PRRX2: variants seen among roughly 807,000 people sequenced by gnomAD.
PRRX2 encodes the protein paired mesoderm homeobox protein 2.
Under a neutral mutation model 18.0 loss-of-function variants are expected in PRRX2, and 11 were observed. That is an observed-to-expected ratio of 0.61 (90% CI 0.39 to 1.01). The LOEUF (loss-of-function observed/expected upper bound fraction) is 1.01, where lower values mean the gene tolerates loss of function less well. Ranked by LOEUF, PRRX2 falls within the 50% of genes least tolerant of loss-of-function variation. The pLI is 0.01. For synonymous variants in PRRX2, 177 were observed against 154.8 expected (o/e 1.14, Z -1.06); for missense variants, 387 against 351.0 (o/e 1.10, Z -0.82).
intron 1 of PRRX2, among the ~76,000 whole-genome samples, chr9:129,677,425 C>T (rs114579328): frequency 2.8e-4 from 43 of 152,354 alleles, no homozygotes; most frequent in Admixed American, 1.3e-3. Flanking sequence ...AGGAGCCGCG[C>T]GGGGTTCTCC....
rs781060799 is a variant in PRRX2, at chr9:129,719,347, A to T, written c.376A>T (p.Thr126Ser). The T allele has an allele frequency of 6.3e-7, 1 of 1,592,442 alleles. No individual in the cohort carries two copies. The highest frequency in any genetic ancestry group is 1.1e-5 in the South Asian group (1 of 88,266). The change falls in exon 2 of 4, where the codon ACG becomes TCG. Residue 126 changes from threonine (T) to serine (S), a missense_variant. Thr to Ser is a moderately conservative substitution (Grantham distance 58). Coordinates refer to ENST00000372469, the MANE Select transcript of PRRX2 (RefSeq NM_016307.4). ...LQALERVFER[T>S]HYPDAFVREE... Reference sequence around the variant, plus strand: ...GGCGCTGGAGCGCGTGTTCGAGCGCACGCACTACCCCGACGCCTTTGTGCG... The same window carrying T: ...GGCGCTGGAGCGCGTGTTCGAGCGCTCGCACTACCCCGACGCCTTTGTGCG...
At chr9:129,699,417 C>G (rs957226473) in intron 1 of PRRX2, among the ~76,000 whole-genome samples, 1 of 150,638 alleles carries the variant, frequency 6.6e-6, no homozygotes, top group African/African-American at 2.5e-5. Flanking sequence ...GGGCAAGACT[C>G]TGTCTCAAAA....
In PRRX2 at chr9:129,675,415, G is replaced by A. The variant is rs554281165; in HGVS notation, c.259+9289G>A. On this transcript the variant is annotated intron_variant, in intron 1 of 3. Coordinates refer to ENST00000372469, the MANE Select transcript of PRRX2 (RefSeq NM_016307.4). The surrounding 1 kb of genome is among the most constrained non-coding windows in gnomAD (Gnocchi z 4.4). ...CTCTAGCTTTGGTGGCCAGGGTTGG[G>A]GTGTAGGAGGCAGTCAAAAGCACCC... Among the ~76,000 whole-genome samples the A allele has an allele frequency of 1.3e-5, 2 of 152,216 alleles. No individual in the cohort carries two copies. Among genetic ancestry groups the A allele is most frequent in the South Asian group, 4.1e-4 (2 of 4,828 alleles).
At chr9:129,701,661 C>G (rs1832498662) in intron 1 of PRRX2, among the ~76,000 whole-genome samples, 1 of 152,150 alleles carries the variant, frequency 6.6e-6, no homozygotes, top group South Asian at 2.1e-4. Context: ...AATCCATGCC[C>G]CATCCAAAAC....
chr9:129,680,067 G>A (rs865828851), intron 1 of PRRX2, among the ~76,000 whole-genome samples: 4 of 152,148 alleles, frequency 2.6e-5, no homozygotes, highest in South Asian at 4.1e-4. Flanking sequence ...GCAGGTAGGG[G>A]ATTAGCTTTA....
intron 1 of PRRX2, among the ~76,000 whole-genome samples, chr9:129,700,965 C>G (rs1832487227): frequency 6.6e-6 from 1 of 152,150 alleles, no homozygotes; most frequent in South Asian, 2.1e-4. Context: ...AACTTGGTAG[C>G]AAAAAGGTTC....
At chr9:129,699,483 C>T (rs1832469508) in intron 1 of PRRX2, among the ~76,000 whole-genome samples, 1 of 145,224 alleles carries the variant, frequency 6.9e-6, no homozygotes, top group African/African-American at 2.7e-5. Flanking sequence ...ATACATATAT[C>T]CATCAATATA....
intron 2 of PRRX2, 111 bp from the exon 3 acceptor site, chr9:129,720,481 CAGAG>C: frequency 1.0e-6 from 1 of 994,298 alleles, no homozygotes; most frequent in Non-Finnish European, 1.4e-6. Context: ...AACTGAGGGT[CAGAG>C]AGGTGACGCT....
At position 129,709,024 on chromosome 9, in the gene PRRX2, C is replaced by T. The variant is rs1832588114; in HGVS notation, c.260-10207C>T. On this transcript the variant is annotated intron_variant, in intron 1 of 3. Transcript: ENST00000372469. The surrounding 1 kb of genome is among the most constrained non-coding windows in gnomAD (Gnocchi z 4.2). ...CAGGAGAGGGAGAAGGCCTAGGAGT[C>T]CATAACAAGGAGACCTGCGCTTGTA... Among the ~76,000 whole-genome samples, 1 of 152,190 alleles carries T rather than the reference C, an allele frequency of 6.6e-6. No individual in the cohort carries two copies. The highest frequency in any genetic ancestry group is 1.5e-5 in the Non-Finnish European group (1 of 68,040).
Position 129,711,561 on chromosome 9 carries a change from A to G in PRRX2, c.260-7670A>G, listed in dbSNP as rs181552733. Among the ~76,000 whole-genome samples the G allele has an allele frequency of 3.8e-3, 580 of 152,022 alleles. 7 individuals are homozygous for G. Among genetic ancestry groups the G allele is most frequent in the African/African-American group, 0.014 (561 of 41,480 alleles). On this transcript the variant is annotated intron_variant, in intron 1 of 3. Transcript: ENST00000372469. ...GCTGGGATTATAGGTGCACACCACC[A>G]CACCCAGTTAATTTTTTTGTACTTT... is the stretch of plus-strand genomic sequence containing the variant.
At chr9:129,692,593 C>T (rs1013370494) in intron 1 of PRRX2, among the ~76,000 whole-genome samples, 53 of 152,220 alleles carry the variant, frequency 3.5e-4, no homozygotes, top group Non-Finnish European at 4.8e-4. Context: ...ACCACTGACC[C>T]TTTTACTATC....
At chr9:129,677,697 ACAT>A (rs1832178027) in intron 1 of PRRX2, among the ~76,000 whole-genome samples, 1 of 152,160 alleles carries the variant, frequency 6.6e-6, no homozygotes, top group East Asian at 1.9e-4. Context: ...TTTCCTAGAG[ACAT>A]CATGTTTTAA....
At chr9:129,685,722 T>G (rs771352882) in intron 1 of PRRX2, among the ~76,000 whole-genome samples, 4 of 152,176 alleles carry the variant, frequency 2.6e-5, no homozygotes, top group African/African-American at 7.2e-5. Flanking sequence ...TTTAAAAAGC[T>G]CCAGGGCCTT....
intron 1 of PRRX2, among the ~76,000 whole-genome samples, chr9:129,699,831 G>A (rs1177508766): frequency 6.6e-6 from 1 of 152,144 alleles, no homozygotes; most frequent in Non-Finnish European, 1.5e-5. Flanking sequence ...CTTTGGGGAG[G>A]AAGTGTCCCA....
intron 1 of PRRX2, among the ~76,000 whole-genome samples, chr9:129,686,075 T>C (rs1021660528): frequency 2.0e-5 from 3 of 152,252 alleles, no homozygotes; most frequent in African/African-American, 7.2e-5. Context: ...AGACTGGAAG[T>C]AGCAGAGTAC....
At chr9:129,692,841 C>T (rs1180963753) in intron 1 of PRRX2, among the ~76,000 whole-genome samples, 2 of 152,210 alleles carry the variant, frequency 1.3e-5, no homozygotes, top group Non-Finnish European at 2.9e-5. Flanking sequence ...CAATTATGAA[C>T]AGAGCTGCTA....
At position 129,677,965 on chromosome 9, in the gene PRRX2, T is replaced by C. The variant is rs187094136; in HGVS notation, c.259+11839T>C. On this transcript the variant is annotated intron_variant, in intron 1 of 3. Transcript: ENST00000372469. ...CTTTTTCTTTCTTTCTTTCTTTTTT[T>C]TTTTTTTTTTTTTTTTGAGATGGAG... Among the ~76,000 whole-genome samples, 577 of 94,294 alleles carry C rather than the reference T, an allele frequency of 6.1e-3. 13 individuals are homozygous for C. The South Asian group carries it at 0.082, about 13-fold the overall frequency. 61.9% of individuals were successfully genotyped at this position (94,294 alleles called of 152,430 possible).
chr9:129,719,984 C>CAA (rs1168640735), intron 2 of PRRX2, among the ~76,000 whole-genome samples: 13 of 145,162 alleles, frequency 9.0e-5, no homozygotes, highest in African/African-American at 3.6e-4. Flanking sequence ...GAGACCCTGT[C>CAA]TCAATAAATA....
At chr9:129,711,133 C>T (rs1050971113) in intron 1 of PRRX2, among the ~76,000 whole-genome samples, 1 of 152,168 alleles carries the variant, frequency 6.6e-6, no homozygotes. Context: ...AATCCCAGCA[C>T]CACGAGGATC....
Sources: allele counts gnomAD v4.1 joint callset (sites outside exome capture counted in the v4.1 genomes callset), GRCh38; gene constraint gnomAD v4.1.1; non-coding constraint Gnocchi (gnomAD v3.1); transcripts MANE v1.5; gene names NCBI Gene and HGNC (gene_info 2026-07-23, HGNC 2026-07-21).